Variants in RAB3GAP1 observed in about 807,000 individuals in gnomAD.
RAB3GAP1 encodes RAB3 GTPase activating protein catalytic subunit 1.
A neutral mutation model predicts 130.7 loss-of-function variants in RAB3GAP1; 86 were observed. The ratio of observed to expected loss-of-function variants is 0.66; its 90% CI spans 0.55 to 0.79. RAB3GAP1 has a LOEUF of 0.79. Ranked by LOEUF, RAB3GAP1 falls within the 30% of genes least tolerant of loss-of-function variation. The pLI, the probability that RAB3GAP1 is intolerant of heterozygous loss-of-function variation, is 0.00. For synonymous variants in RAB3GAP1, 367 were observed against 401.7 expected, an observed-to-expected ratio of 0.91 and a Z score of 1.03; for missense variants, 1,029 against 1,169.4, an observed-to-expected ratio of 0.88 and a Z score of 1.75.
rs1691044119 is a variant in RAB3GAP1, at chr2:135,117,618, T to G, written c.648+2237T>G. On this transcript the variant is annotated intron_variant, in intron 7 of 23. Coordinates refer to ENST00000264158, the MANE Select transcript of RAB3GAP1 (RefSeq NM_012233.3). ...TGCTGCTTCTTCTGCTTCTTCTGCT[T>G]CTGCTTCTTCTGCTTCTGCTTCTTC... Among the ~76,000 whole-genome samples, 8 of 131,454 alleles carry G rather than the reference T, an allele frequency of 6.1e-5. No individual in the cohort carries two copies. In the South Asian group the frequency reaches 1.5e-3, roughly 25 times the overall value. 86.2% of individuals were successfully genotyped at this position (131,454 alleles called of 152,430 possible). A position where few individuals can be genotyped will look rare whatever the true frequency, so the allele number is the denominator to read the frequency against.
chr2:135,108,060 A>C (rs990234305), intron 5 of RAB3GAP1, among the ~76,000 whole-genome samples: 1 of 151,582 alleles, frequency 6.6e-6, no homozygotes, highest in Non-Finnish European at 1.5e-5. Flanking sequence ...AACAACAAAT[A>C]TATCAAATAT....
intron 14 of RAB3GAP1, 116 bp from the exon 15 acceptor site, chr2:135,133,745 A>T: frequency 1.2e-6 from 1 of 825,844 alleles, no homozygotes; most frequent in Admixed American, 2.0e-5. Flanking sequence ...GATAATGCCT[A>T]GTTTAGGTGG....
chr2:135,162,518 C>T (rs768282865), intron 19 of RAB3GAP1, 37 bp from the exon 20 acceptor site: 3 of 1,518,368 alleles, frequency 2.0e-6, no homozygotes, highest in Non-Finnish European at 2.7e-6. Context: ...CCTTTGACAC[C>T]TGCGCTGATC....
At chr2:135,135,465 C>T in intron 16 of RAB3GAP1, 99 bp from the exon 17 acceptor site, 1 of 1,464,832 alleles carries the variant, frequency 6.8e-7, no homozygotes, top group Non-Finnish European at 9.4e-7. Context: ...TCACAAGGTC[C>T]TGAGAAGTGG....
At chr2:135,164,811 T>A in intron 23 of RAB3GAP1, 115 bp downstream of exon 23, 1 of 780,450 alleles carries the variant, frequency 1.3e-6, no homozygotes, top group Non-Finnish European at 2.2e-6. Flanking sequence ...AGTGTAAGTC[T>A]GGGCATTGGG....
chr2:135,086,498 A>T (rs1689986651), intron 3 of RAB3GAP1, among the ~76,000 whole-genome samples: 1 of 151,784 alleles, frequency 6.6e-6, no homozygotes, highest in Non-Finnish European at 1.5e-5. Flanking sequence ...AATTAATCAG[A>T]ATTACTGTTT....
intron 2 of RAB3GAP1, among the ~76,000 whole-genome samples, chr2:135,057,541 T>C (rs1043722254): frequency 1.3e-5 from 2 of 152,198 alleles, no homozygotes; most frequent in African/African-American, 4.8e-5. Flanking sequence ...ATTACAGATG[T>C]GTGCCACCAC....
chr2:135,106,046 A>G (rs1294977320), intron 5 of RAB3GAP1, among the ~76,000 whole-genome samples: 3 of 145,342 alleles, frequency 2.1e-5, no homozygotes, highest in South Asian at 2.2e-4. Flanking sequence ...CAGCCGCCCC[A>G]TCTGGGAAGT....
chr2:135,136,083 TG>T (rs1292698737), intron 17 of RAB3GAP1, 151 bp downstream of exon 17: 10 of 1,062,758 alleles, frequency 9.4e-6, no homozygotes, highest in Non-Finnish European at 1.4e-5. Flanking sequence ...CCCAGCACTT[TG>T]GGAGGCTGAG....
chr2:135,055,228 T>C (rs1688976691), intron 2 of RAB3GAP1, among the ~76,000 whole-genome samples: 1 of 152,130 alleles, frequency 6.6e-6, no homozygotes, highest in African/African-American at 2.4e-5. Flanking sequence ...AGGGACCTAA[T>C]ATAGAATAAG....
At chr2:135,105,882 C>T (rs566148819) in intron 5 of RAB3GAP1, among the ~76,000 whole-genome samples, 9 of 151,846 alleles carry the variant, frequency 5.9e-5, no homozygotes, top group East Asian at 2.0e-4. Context: ...TGCCCAGCCG[C>T]GACCCCATCT....
intron 5 of RAB3GAP1, among the ~76,000 whole-genome samples, chr2:135,096,301 T>A (rs1479259305): frequency 1.3e-5 from 2 of 152,176 alleles, no homozygotes; most frequent in Non-Finnish European, 2.9e-5. Flanking sequence ...ATTAAAGAAT[T>A]CTAAGGTAGG....
intron 5 of RAB3GAP1, among the ~76,000 whole-genome samples, chr2:135,095,925 T>C (rs1384446147): frequency 1.3e-5 from 2 of 152,200 alleles, no homozygotes; most frequent in Non-Finnish European, 2.9e-5. Flanking sequence ...AGACCACATT[T>C]ATATAACTTT....
intron 5 of RAB3GAP1, among the ~76,000 whole-genome samples, chr2:135,107,616 A>T (rs1690666189): frequency 6.6e-6 from 1 of 152,206 alleles, no homozygotes; most frequent in African/African-American, 2.4e-5. Context: ...ACTTTTTTAT[A>T]CCATTTTTTT....
intron 17 of RAB3GAP1, among the ~76,000 whole-genome samples, chr2:135,145,482 C>T (rs1237265542): frequency 6.6e-6 from 1 of 151,922 alleles, no homozygotes; most frequent in Non-Finnish European, 1.5e-5. Flanking sequence ...TTGCTTTAAG[C>T]CTACCAAACC....
At chr2:135,116,211 T>C (rs1690967900) in intron 7 of RAB3GAP1, among the ~76,000 whole-genome samples, 1 of 152,214 alleles carries the variant, frequency 6.6e-6, no homozygotes, top group Non-Finnish European at 1.5e-5. Flanking sequence ...TTAAGTGAGA[T>C]AGTGGCAGCT....
chr2:135,171,208 G>T (rs1229950597), downstream of RAB3GAP1, among the ~76,000 whole-genome samples: 1 of 152,068 alleles, frequency 6.6e-6, no homozygotes, highest in Non-Finnish European at 1.5e-5. Context: ...AGTGGGAAGG[G>T]GCAAGAAATG....
intron 3 of RAB3GAP1, among the ~76,000 whole-genome samples, chr2:135,067,628 G>A (rs934111107): frequency 6.6e-5 from 10 of 152,218 alleles, no homozygotes; most frequent in African/African-American, 2.4e-4. Context: ...AAGTGGTACA[G>A]CTTGTGTTGG....
chr2:135,060,133 T>TA (rs1178305604), intron 3 of RAB3GAP1, among the ~76,000 whole-genome samples: 1 of 152,188 alleles, frequency 6.6e-6, no homozygotes. Flanking sequence ...CAACAATTAA[T>TA]ACTTTGCCAT....
Sources: gnomAD v4.1 joint callset for allele counts (sites outside exome capture counted in the v4.1 genomes callset) on GRCh38, gnomAD v4.1.1 for gene constraint, MANE v1.5 for transcripts, NCBI Gene and HGNC (gene_info 2026-07-23, HGNC 2026-07-21) for gene names.